Variants in NHSL1 observed in about 807,000 individuals in gnomAD.
NHSL1 encodes the protein NHS like 1.
Under a neutral mutation model 95.0 loss-of-function variants are expected in NHSL1, and 48 were observed. That is an observed-to-expected ratio of 0.51 (90% CI 0.40 to 0.64). The LOEUF (loss-of-function observed/expected upper bound fraction) is 0.64, where lower values mean the gene tolerates loss of function less well. Ranked by LOEUF, NHSL1 falls within the 30% of genes least tolerant of loss-of-function variation. The pLI, the probability that NHSL1 is intolerant of heterozygous loss-of-function variation, is 0.00. For synonymous variants in NHSL1, 783 were observed against 833.9 expected, an observed-to-expected ratio of 0.94 and a Z score of 1.05; for missense variants, 1,971 against 2,077.7, an observed-to-expected ratio of 0.95 and a Z score of 1.00.
At chr6:138,512,679 G>A (rs1461799496) in intron 1 of NHSL1, among the ~76,000 whole-genome samples, 2 of 152,120 alleles carry the variant, frequency 1.3e-5, no homozygotes, top group African/African-American at 2.4e-5. Flanking sequence ...TTCATTCAGA[G>A]AGAAACAAAA....
At chr6:138,541,379 A>G (rs1583383582) in intron 1 of NHSL1, among the ~76,000 whole-genome samples, 1 of 151,074 alleles carries the variant, frequency 6.6e-6, no homozygotes, top group East Asian at 1.9e-4. Context: ...AAAAAATAAG[A>G]ATAAAAGCAA....
intron 3 of NHSL1, among the ~76,000 whole-genome samples, chr6:138,460,184 G>C (rs1246286317): frequency 6.6e-6 from 1 of 152,052 alleles, no homozygotes; most frequent in East Asian, 1.9e-4. Flanking sequence ...AAGACCATCT[G>C]GGCTTGGCAT....
chr6:138,540,250 C>G (rs1412996946), intron 1 of NHSL1, among the ~76,000 whole-genome samples: 2 of 152,152 alleles, frequency 1.3e-5, no homozygotes, highest in Non-Finnish European at 2.9e-5. Context: ...TATATAAAAC[C>G]AGACATCTAA....
chr6:138,584,284 A>C lies in NHSL1; in HGVS notation c.97-87913T>G, dbSNP rs554737721. ...CACAGCTGGATATATCTAAAAATTG[A>C]TCTCTATTGCAAATTTGATTAAGGG... On this transcript the variant is annotated intron_variant, in intron 1 of 3. Coordinates refer to the NHSL1 transcript ENST00000491526. 2.0e-5 allele frequency among the ~76,000 whole-genome samples: 3 copies of C among 151,406 alleles called. No individual in the cohort carries two copies. The East Asian group carries it at 5.8e-4, about 29-fold the overall frequency.
intron 3 of NHSL1, among the ~76,000 whole-genome samples, chr6:138,472,394 A>G (rs1314735787): frequency 6.6e-6 from 1 of 152,178 alleles, no homozygotes; most frequent in African/African-American, 2.4e-5. Context: ...CAACAGATGC[A>G]TGCCACAATG....
intron 1 of NHSL1, among the ~76,000 whole-genome samples, chr6:138,639,857 A>G (rs1293953272): frequency 6.8e-6 from 1 of 146,642 alleles, no homozygotes; most frequent in Non-Finnish European, 1.5e-5. Context: ...TAACCTTCTC[A>G]TTCTTACAAA....
intron 1 of NHSL1, among the ~76,000 whole-genome samples, chr6:138,616,725 CTAG>C (rs1784584316): frequency 1.3e-5 from 2 of 152,146 alleles, no homozygotes; most frequent in African/African-American, 4.8e-5. Context: ...ACAGGTCTTG[CTAG>C]ATCTTTAGAA....
rs78436503 is a variant in NHSL1 at position 138,624,301 on chromosome 6, T to G, written c.96+68175A>C. On this transcript the variant is annotated intron_variant, in intron 1 of 3. Coordinates refer to the NHSL1 transcript ENST00000491526. ...TGAGCCTCCGCATTTCTAACAAGCG[T>G]AGGTGACACTGATGTGTCATGGACC... Among the ~76,000 whole-genome samples the G allele has an allele frequency of 3.3e-5, 5 of 152,254 alleles. No homozygotes were observed. The East Asian group carries it at 9.7e-4, about 29-fold the overall frequency.
intron 2 of NHSL1, among the ~76,000 whole-genome samples, chr6:138,476,265 C>A (rs780162033): frequency 4.6e-5 from 7 of 152,032 alleles, no homozygotes; most frequent in Admixed American, 2.0e-4. Flanking sequence ...CAACAGTTGA[C>A]TGAATAAAGA....
rs998890474 is a variant in NHSL1 at position 138,431,364 on chromosome 6, C to T, written c.2981G>A (p.Arg994His). The T allele has an allele frequency of 1.3e-5, 20 of 1,541,700 alleles. 1 individual carries two copies. The highest frequency in any genetic ancestry group is 8.5e-5 in the South Asian group (7 of 81,932). Residue 994 changes from arginine to histidine, a missense_variant, in exon 6 of 8, where the codon CGC becomes CAC. This residue lies in a region of NHSL1 where 1,602 missense variants were observed against 1,654.5 expected (regional missense o/e 0.97). Transcript: ENST00000343505. This position sits in a 1 kb window ranked among gnomAD's most constrained non-coding sequence, Gnocchi z 4.0. ...TGGAAGAATGGGGCTCAGTGCAGGG[C>T]GGGGAGGAGAAAGGCACCAATCAGG... ...SPPDWCLSPP[R>H]PALSPILPDS...
intron 7 of NHSL1, among the ~76,000 whole-genome samples, chr6:138,428,950 T>C (rs1775443535): frequency 6.6e-6 from 1 of 152,212 alleles, no homozygotes; most frequent in South Asian, 2.1e-4. Context: ...TATACAGTCA[T>C]CAGCTTTTAC....
At chr6:138,449,724 T>C (rs1777109763) in intron 3 of NHSL1, among the ~76,000 whole-genome samples, 1 of 152,072 alleles carries the variant, frequency 6.6e-6, no homozygotes, top group South Asian at 2.1e-4. Flanking sequence ...GATATAAATA[T>C]GACTTTAGAA....
At chr6:138,538,036 T>G (rs760063151) in intron 1 of NHSL1, among the ~76,000 whole-genome samples, 18 of 152,240 alleles carry the variant, frequency 1.2e-4, no homozygotes, top group Non-Finnish European at 2.2e-4. Context: ...TCAGAGTTGA[T>G]GAACTTCAGA....
At chr6:138,482,771 G>A (rs555965254) in intron 2 of NHSL1, among the ~76,000 whole-genome samples, 43 of 152,286 alleles carry the variant, frequency 2.8e-4, no homozygotes, top group African/African-American at 8.7e-4. Flanking sequence ...CTGGGTAGCT[G>A]TGTCTTGGAA....
chr6:138,470,341 G>A (rs981106341), intron 3 of NHSL1, among the ~76,000 whole-genome samples: 12 of 152,222 alleles, frequency 7.9e-5, no homozygotes, highest in Middle Eastern at 3.4e-3. Context: ...CCAGGCTGGA[G>A]TGCAGTGGTG....
chr6:138,663,244 G>A (rs929524531), intron 1 of NHSL1, among the ~76,000 whole-genome samples: 1 of 152,080 alleles, frequency 6.6e-6, no homozygotes, highest in Non-Finnish European at 1.5e-5. Context: ...ATGGTATGCT[G>A]TCATTGTATA....
chr6:138,648,345 G>A (rs1262740840), intron 1 of NHSL1, among the ~76,000 whole-genome samples: 21 of 131,620 alleles, frequency 1.6e-4, no homozygotes, highest in African/African-American at 6.2e-4. Flanking sequence ...AAAACTTTAC[G>A]GACACTGAAA....
At chr6:138,591,724 G>A (rs1289032570) in intron 1 of NHSL1, among the ~76,000 whole-genome samples, 3 of 152,132 alleles carry the variant, frequency 2.0e-5, no homozygotes, top group Non-Finnish European at 2.9e-5. Flanking sequence ...GAGCCACCCT[G>A]CCCAGCTAAT....
At chr6:138,454,703 A>T (rs1777469676) in intron 3 of NHSL1, among the ~76,000 whole-genome samples, 1 of 152,266 alleles carries the variant, frequency 6.6e-6, no homozygotes, top group African/African-American at 2.4e-5. Flanking sequence ...AGGCGTTTTA[A>T]TAAAGAAAGA....
Sources: allele counts gnomAD v4.1 joint callset (sites outside exome capture counted in the v4.1 genomes callset), GRCh38; gene constraint gnomAD v4.1.1; regional missense constraint gnomAD v4.1.1; non-coding constraint Gnocchi (gnomAD v3.1); transcripts MANE v1.5; gene names NCBI Gene and HGNC (gene_info 2026-07-23, HGNC 2026-07-21).